The following DPP10 variants were observed in gnomAD, a reference collection of about 807,000 sequenced individuals.
DPP10 encodes inactive dipeptidyl peptidase 10.
DPP10 carries 33 observed loss-of-function variants against 120.9 expected under a neutral mutation model. The ratio of observed to expected loss-of-function variants is 0.27; its 90% CI spans 0.21 to 0.37. The LOEUF (loss-of-function observed/expected upper bound fraction) is 0.37, where lower values mean the gene tolerates loss of function less well. DPP10 is among the 10% of genes least tolerant of loss of function. The pLI is 1.00. For synonymous variants in DPP10, 337 were observed against 326.1 expected (o/e 1.03, Z -0.36); for missense variants, 816 against 942.8 (o/e 0.87, Z 1.76).
intron 17 of DPP10, among the ~76,000 whole-genome samples, chr2:115,785,171 T>C (rs1683188857): frequency 6.6e-6 from 1 of 152,204 alleles, no homozygotes; most frequent in Admixed American, 6.5e-5. Flanking sequence ...GGGAGAAAAC[T>C]GCTCTGGGTT....
intron 3 of DPP10, among the ~76,000 whole-genome samples, chr2:115,418,699 G>A (rs953959129): frequency 2.6e-5 from 4 of 152,060 alleles, no homozygotes; most frequent in Admixed American, 2.6e-4. Context: ...TTGAGCCCAG[G>A]AGGTTGAGGC....
intron 2 of DPP10, among the ~76,000 whole-genome samples, chr2:115,343,269 G>T (rs2063538144): frequency 1.3e-5 from 2 of 151,998 alleles, no homozygotes; most frequent in Admixed American, 6.6e-5. Context: ...TTTATTATTT[G>T]AACTTTACAT....
chr2:115,537,620 T>A (rs1212267950), intron 5 of DPP10, among the ~76,000 whole-genome samples: 1 of 147,106 alleles, frequency 6.8e-6, no homozygotes, highest in Non-Finnish European at 1.5e-5. Flanking sequence ...AAAAACATAC[T>A]TTGGGCAGTA....
chr2:115,351,141 G>A (rs2064005461), intron 3 of DPP10, among the ~76,000 whole-genome samples: 1 of 152,008 alleles, frequency 6.6e-6, no homozygotes, highest in Non-Finnish European at 1.5e-5. Context: ...AAATGTAGGA[G>A]CGGATAAAGA....
At chr2:114,736,487 GA>G (rs1677454880) in intron 1 of DPP10, among the ~76,000 whole-genome samples, 1 of 152,098 alleles carries the variant, frequency 6.6e-6, no homozygotes, top group South Asian at 2.1e-4. Context: ...ATATTTTAAT[GA>G]TGGCAATAAT....
At chr2:114,893,447 G>A (rs1692704191) in intron 1 of DPP10, among the ~76,000 whole-genome samples, 1 of 152,080 alleles carries the variant, frequency 6.6e-6, no homozygotes, top group Non-Finnish European at 1.5e-5. Flanking sequence ...TGAAAATCAG[G>A]CAGCTTTTGA....
chr2:114,594,151 G>A (rs1040280120), intron 1 of DPP10, among the ~76,000 whole-genome samples: 1 of 151,922 alleles, frequency 6.6e-6, no homozygotes, highest in Non-Finnish European at 1.5e-5. Context: ...AGCTGCCAAG[G>A]AATATAAAGC....
At chr2:115,017,165 A>T (rs1286299320) in intron 1 of DPP10, among the ~76,000 whole-genome samples, 1 of 151,780 alleles carries the variant, frequency 6.6e-6, no homozygotes, top group Non-Finnish European at 1.5e-5. Context: ...TACGTAACTA[A>T]CCTGCACATT....
chr2:115,480,757 T>C (rs1036250328), intron 3 of DPP10, among the ~76,000 whole-genome samples: 1 of 152,136 alleles, frequency 6.6e-6, no homozygotes, highest in Admixed American at 6.6e-5. Flanking sequence ...AAACATAATG[T>C]TCAGTATAAA....
At chr2:115,345,785 A>G (rs746624947) in intron 3 of DPP10, among the ~76,000 whole-genome samples, 3 of 152,214 alleles carry the variant, frequency 2.0e-5, no homozygotes, top group Non-Finnish European at 4.4e-5. Context: ...TTCAATATGT[A>G]GGACACAGAT....
intron 1 of DPP10, among the ~76,000 whole-genome samples, chr2:114,949,208 C>A (rs1321738352): frequency 2.6e-5 from 4 of 152,178 alleles, no homozygotes; most frequent in Non-Finnish European, 5.9e-5. Flanking sequence ...CAGGTGTGAG[C>A]CACCGCGCCT....
In DPP10 at chr2:115,845,362, T is replaced by G. The variant is rs996488395; in HGVS notation, c.*3017T>G. 3 of 152,240 alleles carry G rather than the reference T, an allele frequency of 2.0e-5. No individual in the cohort carries two copies. Among genetic ancestry groups the G allele is most frequent in the African/African-American group, 7.2e-5 (3 of 41,454 alleles). 9.4% of individuals were successfully genotyped at this position (152,240 alleles called of 1,614,324 possible). On this transcript the variant is annotated 3_prime_UTR_variant, in exon 26 of 26. Coordinates refer to ENST00000410059, the MANE Select transcript of DPP10 (RefSeq NM_020868.6). Reference sequence around the variant, plus strand: ...TTCTGTTCTGGGGATTCTCTGATACTAATTTTGGCTACTTGGTAGAACCAA... The same window carrying G: ...TTCTGTTCTGGGGATTCTCTGATACGAATTTTGGCTACTTGGTAGAACCAA...
intron 1 of DPP10, among the ~76,000 whole-genome samples, chr2:115,099,729 C>T (rs1413094857): frequency 6.6e-6 from 1 of 152,130 alleles, no homozygotes; most frequent in East Asian, 1.9e-4. Flanking sequence ...TGCATGCTGT[C>T]TCCTGGAGGA....
At chr2:115,240,762 C>T (rs1027492922) in intron 1 of DPP10, among the ~76,000 whole-genome samples, 2 of 152,160 alleles carry the variant, frequency 1.3e-5, no homozygotes, top group African/African-American at 4.8e-5. Context: ...ACTAAGTACC[C>T]ACTCCTTATA....
chr2:115,417,877 C>T (rs1339650773), intron 3 of DPP10, among the ~76,000 whole-genome samples: 1 of 152,228 alleles, frequency 6.6e-6, no homozygotes, highest in Non-Finnish European at 1.5e-5. Context: ...TTTTCTCCGT[C>T]TGATGTATTT....
intron 1 of DPP10, among the ~76,000 whole-genome samples, chr2:114,831,613 G>A (rs1367509139): frequency 2.0e-5 from 3 of 152,102 alleles, no homozygotes; most frequent in African/African-American, 4.8e-5. Context: ...CAGAAAGCAC[G>A]AGCAATAAAG....
chr2:114,810,573 A>G (rs1275916821), intron 1 of DPP10, among the ~76,000 whole-genome samples: 1 of 152,192 alleles, frequency 6.6e-6, no homozygotes, highest in Non-Finnish European at 1.5e-5. Flanking sequence ...CTTCTTTTAT[A>G]CTTAAGGGAC....
At chr2:115,312,854 C>T (rs2061638393) in intron 2 of DPP10, among the ~76,000 whole-genome samples, 2 of 152,272 alleles carry the variant, frequency 1.3e-5, no homozygotes, top group South Asian at 2.1e-4. Context: ...GGAGGGGAAG[C>T]TTCTGACTGT....
At chr2:115,525,546 T>C (rs1404673587) in intron 4 of DPP10, among the ~76,000 whole-genome samples, 1 of 152,086 alleles carries the variant, frequency 6.6e-6, no homozygotes, top group African/African-American at 2.4e-5. Context: ...ATACTTCTTT[T>C]CCTTTTGATT....
Sources: gnomAD v4.1 joint callset for allele counts (sites outside exome capture counted in the v4.1 genomes callset) on GRCh38, gnomAD v4.1.1 for gene constraint, MANE v1.5 for transcripts, NCBI Gene and HGNC (gene_info 2026-07-23, HGNC 2026-07-21) for gene names.